Variants in DGKB observed in about 807,000 individuals in gnomAD.
DGKB encodes 90 kDa diacylglycerol kinase.
In DGKB, 67 loss-of-function variants were observed where a neutral mutation model predicts 114.3. The ratio of observed to expected loss-of-function variants is 0.59; its 90% confidence interval spans 0.48 to 0.72. The LOEUF (loss-of-function observed/expected upper bound fraction) is 0.72. Among genes scored for constraint, DGKB ranks in the 30% least tolerant of loss-of-function variants. DGKB has a pLI of 0.00. For synonymous variants in DGKB, 398 were observed against 323.1 expected (o/e 1.23, Z -2.49); for missense variants, 907 against 975.2 (o/e 0.93, Z 0.93).
intron 1 of DGKB, among the ~76,000 whole-genome samples, chr7:14,951,116 G>A (rs547892003): frequency 8.8e-5 from 13 of 148,396 alleles, no homozygotes; most frequent in African/African-American, 3.4e-4. Flanking sequence ...CTGATAAAGG[G>A]CATCTATAAA....
At chr7:14,256,425 A>G (rs1017616281) in intron 23 of DGKB, among the ~76,000 whole-genome samples, 2 of 150,286 alleles carry the variant, frequency 1.3e-5, no homozygotes, top group African/African-American at 2.5e-5. Flanking sequence ...CTTAAAGTTA[A>G]TCTACAGTAT....
At chr7:14,911,202 GCTTAT>G (rs988938990) in intron 1 of DGKB, among the ~76,000 whole-genome samples, 3 of 151,756 alleles carry the variant, frequency 2.0e-5, no homozygotes, top group African/African-American at 4.8e-5. Flanking sequence ...TATTTTATTT[GCTTAT>G]CTTTAGTTCT....
chr7:14,187,952 C>T (rs1255741808), intron 23 of DGKB, among the ~76,000 whole-genome samples: 1 of 151,610 alleles, frequency 6.6e-6, no homozygotes, highest in African/African-American at 2.4e-5. Context: ...TCAATAAAAT[C>T]AGGAAAACAA....
chr7:14,265,318 C>CT (rs781569705), intron 23 of DGKB, among the ~76,000 whole-genome samples: 7,027 of 67,504 alleles, frequency 0.1, 828 homozygotes, highest in Non-Finnish European at 0.14. Context: ...CTCTTGCATT[C>CT]TTTTTTTTTT....
chr7:14,736,287 T>C (rs965065735), intron 4 of DGKB, 93 bp from the exon 5 acceptor site: 1 of 762,378 alleles, frequency 1.3e-6, no homozygotes, highest in Non-Finnish European at 2.0e-6. Context: ...AGAAATGACC[T>C]CAAACCATTT....
At chr7:14,279,856 T>G (rs1278722207) in intron 23 of DGKB, among the ~76,000 whole-genome samples, 1 of 149,924 alleles carries the variant, frequency 6.7e-6, no homozygotes, top group Non-Finnish European at 1.5e-5. Context: ...AAAACCCATC[T>G]GTACATCACC....
chr7:14,799,089 A>T (rs1841801261), intron 2 of DGKB, among the ~76,000 whole-genome samples: 1 of 152,218 alleles, frequency 6.6e-6, no homozygotes, highest in Non-Finnish European at 1.5e-5. Context: ...ATGATAGTGC[A>T]TTATTATAAA....
At chr7:14,631,205 T>C (rs1809620786) in intron 13 of DGKB, among the ~76,000 whole-genome samples, 1 of 138,702 alleles carries the variant, frequency 7.2e-6, no homozygotes, top group African/African-American at 2.7e-5. Context: ...AAAAATCTGA[T>C]AGTCCAGATA....
chr7:14,819,451 A>G (rs569055279), intron 2 of DGKB, among the ~76,000 whole-genome samples: 2 of 152,116 alleles, frequency 1.3e-5, no homozygotes, highest in East Asian at 3.9e-4. Flanking sequence ...TTGGCCAGTC[A>G]TGGTGGCCTA....
At chr7:14,867,349 C>T (rs1409804132) in intron 1 of DGKB, among the ~76,000 whole-genome samples, 2 of 151,932 alleles carry the variant, frequency 1.3e-5, no homozygotes, top group African/African-American at 4.8e-5. Context: ...TTTGCTACTA[C>T]TGCATTGGAT....
chr7:14,854,431 C>T (rs558944198), intron 1 of DGKB, among the ~76,000 whole-genome samples: 48 of 152,242 alleles, frequency 3.2e-4, no homozygotes, highest in African/African-American at 1.1e-3. Context: ...GACAATTTTT[C>T]CATGGACGAG....
intron 23 of DGKB, among the ~76,000 whole-genome samples, chr7:14,324,069 G>C (rs1056084433): frequency 1.3e-5 from 2 of 152,166 alleles, no homozygotes; most frequent in African/African-American, 4.8e-5. Flanking sequence ...TAGTTAAGTT[G>C]AGGGAAAAAT....
At chr7:14,550,325 A>G (rs1269072812) in intron 20 of DGKB, among the ~76,000 whole-genome samples, 1 of 152,150 alleles carries the variant, frequency 6.6e-6, no homozygotes, top group Non-Finnish European at 1.5e-5. Flanking sequence ...TTGAAAGAAA[A>G]TAGCTGAAAT....
intron 9 of DGKB, among the ~76,000 whole-genome samples, chr7:14,692,609 T>C (rs1185946403): frequency 6.6e-6 from 1 of 151,650 alleles, no homozygotes; most frequent in African/African-American, 2.4e-5. Context: ...CAGTTATGTG[T>C]AGTATAAGAA....
chr7:14,181,930 A>C (rs1782688317), intron 23 of DGKB, among the ~76,000 whole-genome samples: 1 of 152,234 alleles, frequency 6.6e-6, no homozygotes, highest in Non-Finnish European at 1.5e-5. Context: ...TTCAGAGGGA[A>C]GAAACTTAAT....
chr7:14,879,483 A>C (rs1258793120), intron 1 of DGKB, among the ~76,000 whole-genome samples: 2 of 152,206 alleles, frequency 1.3e-5, no homozygotes, highest in African/African-American at 4.8e-5. Flanking sequence ...AGGCTCTCTT[A>C]AAGTAAAACT....
At chr7:14,678,449 C>G (rs375732590) in intron 12 of DGKB, among the ~76,000 whole-genome samples, 10 of 152,016 alleles carry the variant, frequency 6.6e-5, no homozygotes, top group Admixed American at 2.6e-4. Flanking sequence ...TTCAAGGGAC[C>G]GGGATGAACA....
chr7:14,296,671 C>T (rs1167144880), intron 23 of DGKB, among the ~76,000 whole-genome samples: 1 of 149,768 alleles, frequency 6.7e-6, no homozygotes, highest in African/African-American at 2.5e-5. Context: ...CAAAAGCTAG[C>T]AGAAGACAAG....
intron 21 of DGKB, among the ~76,000 whole-genome samples, chr7:14,456,811 T>A (rs572491624): frequency 1.3e-5 from 2 of 152,188 alleles, no homozygotes; most frequent in Admixed American, 1.3e-4. Flanking sequence ...AAAACCTAAT[T>A]ATCACCTTCT....
Sources: gnomAD v4.1 joint callset for allele counts (sites outside exome capture counted in the v4.1 genomes callset) on GRCh38, gnomAD v4.1.1 for gene constraint, MANE v1.5 for transcripts, NCBI Gene and HGNC (gene_info 2026-07-23, HGNC 2026-07-21) for gene names.